Variants in CDH4 observed in about 807,000 individuals in gnomAD.
The protein encoded by CDH4 is cadherin-4.
Under a neutral mutation model 86.0 loss-of-function variants are expected in CDH4, and 33 were observed. The ratio of observed to expected loss-of-function variants is 0.38; its 90% CI spans 0.29 to 0.51. The LOEUF (loss-of-function observed/expected upper bound fraction) is 0.51. Ranked by LOEUF, CDH4 falls within the 20% of genes least tolerant of loss-of-function variation. The probability of loss-of-function intolerance (pLI) is 0.86; values close to 1 mark genes in which losing one functional copy is unlikely to be tolerated. For missense variants in CDH4, 1,114 were observed against 1,307.4 expected, an observed-to-expected ratio of 0.85 and a Z score of 2.28; for synonymous variants, 555 against 549.4, an observed-to-expected ratio of 1.01 and a Z score of -0.14.
rs73316166 is a variant in CDH4, at chr20:61,736,159, C to T, written c.170-7404C>T. Reference sequence around the variant, plus strand: ...GCAACATCTCCTGGGCCAGTCCCCACCCCGAAGGTGTAGGTTATCTCGCTG... The same window carrying T: ...GCAACATCTCCTGGGCCAGTCCCCATCCCGAAGGTGTAGGTTATCTCGCTG... On this transcript the variant is annotated intron_variant, in intron 2 of 15. Transcript: ENST00000614565. Among the ~76,000 whole-genome samples, 1,512 of 152,288 alleles carry T rather than the reference C, an allele frequency of 9.9e-3. 27 individuals carry two copies. Among genetic ancestry groups the T allele is most frequent in the African/African-American group, 0.034 (1,430 of 41,554 alleles).
intron 2 of CDH4, among the ~76,000 whole-genome samples, chr20:61,656,133 C>T (rs952141186): frequency 2.6e-5 from 4 of 152,170 alleles, no homozygotes; most frequent in Non-Finnish European, 4.4e-5. Flanking sequence ...AACCACCCAC[C>T]GTGCTCTCTG....
At position 61,673,397 on chromosome 20, in the gene CDH4, C is replaced by T. The variant is rs558136172; in HGVS notation, c.170-70166C>T. Among the ~76,000 whole-genome samples the T allele has an allele frequency of 5.3e-5, 8 of 152,332 alleles. No individual in the cohort carries two copies. The East Asian group carries it at 7.7e-4, about 15-fold the overall frequency. ...TTTTGTGCCTCCTTTTAAAGGCCCA[C>T]GTGAAGGGCATGGTGCTTATCACCG... On this transcript the variant is annotated intron_variant, in intron 2 of 15. Coordinates refer to ENST00000614565, the MANE Select transcript of CDH4 (RefSeq NM_001794.5).
chr20:61,383,219 ATATAT>A (rs2084916863), intron 2 of CDH4, among the ~76,000 whole-genome samples: 1 of 113,120 alleles, frequency 8.8e-6, no homozygotes, highest in Non-Finnish European at 1.8e-5. Context: ...ATATATATGA[ATATAT>A]TATATATATG....
At chr20:61,610,921 C>G (rs1437574751) in intron 2 of CDH4, among the ~76,000 whole-genome samples, 3 of 151,094 alleles carry the variant, frequency 2.0e-5, no homozygotes, top group African/African-American at 7.4e-5. Flanking sequence ...AGTAAGGGTG[C>G]TGGAGCTGTG....
intron 2 of CDH4, among the ~76,000 whole-genome samples, chr20:61,419,192 T>G (rs2085163610): frequency 6.6e-6 from 1 of 152,138 alleles, no homozygotes; most frequent in African/African-American, 2.4e-5. Flanking sequence ...AGACGTGTCC[T>G]GAGCCCGAGA....
intron 2 of CDH4, among the ~76,000 whole-genome samples, chr20:61,644,446 C>T (rs1292866803): frequency 6.6e-6 from 1 of 152,314 alleles, no homozygotes; most frequent in African/African-American, 2.4e-5. Flanking sequence ...TACCATCCTG[C>T]CTTGGCCTCC....
intron 2 of CDH4, among the ~76,000 whole-genome samples, chr20:61,591,617 G>A (rs1192276323): frequency 1.3e-5 from 2 of 152,192 alleles, no homozygotes; most frequent in Non-Finnish European, 2.9e-5. Context: ...TCAACAAGAG[G>A]CAGTTTCCTG....
intron 2 of CDH4, among the ~76,000 whole-genome samples, chr20:61,576,107 A>T (rs796528228): frequency 6.6e-6 from 1 of 152,222 alleles, no homozygotes; most frequent in African/African-American, 2.4e-5. Context: ...GGAGGCACGC[A>T]GTGTGGGCTC....
intron 2 of CDH4, among the ~76,000 whole-genome samples, chr20:61,408,685 G>A (rs183882758): frequency 1.7e-4 from 26 of 151,972 alleles, no homozygotes; most frequent in African/African-American, 6.0e-4. Flanking sequence ...GCCACCACCT[G>A]TGTTTTAGAG....
chr20:61,734,381 A>C (rs1389342311), intron 2 of CDH4, among the ~76,000 whole-genome samples: 1 of 152,104 alleles, frequency 6.6e-6, no homozygotes, highest in Non-Finnish European at 1.5e-5. Context: ...CGGAACGGGG[A>C]GTTGTTGTAT....
intron 8 of CDH4, among the ~76,000 whole-genome samples, chr20:61,896,279 G>A (rs1418936301): frequency 1.3e-5 from 2 of 152,170 alleles, no homozygotes; most frequent in Non-Finnish European, 2.9e-5. Context: ...GGAAGGGATG[G>A]GGTCAGGAGG....
At chr20:61,897,079 C>G (rs527582977) in intron 8 of CDH4, among the ~76,000 whole-genome samples, 322 of 152,338 alleles carry the variant, frequency 2.1e-3, no homozygotes, top group African/African-American at 7.4e-3. Context: ...GAGCCCCCCA[C>G]AGAATTCTGC....
intron 2 of CDH4, among the ~76,000 whole-genome samples, chr20:61,361,791 C>T (rs748201956): frequency 2.0e-5 from 3 of 152,170 alleles, no homozygotes; most frequent in East Asian, 3.9e-4. Context: ...GGAGGAGGTG[C>T]CGTGGTGCGG....
intron 2 of CDH4, among the ~76,000 whole-genome samples, chr20:61,658,942 C>T (rs1037642909): frequency 2.6e-5 from 4 of 152,172 alleles, no homozygotes; most frequent in Admixed American, 6.5e-5. Flanking sequence ...GATCTCCCTA[C>T]ATCTGTGGCC....
At chr20:61,617,376 C>T (rs1262698390) in intron 2 of CDH4, among the ~76,000 whole-genome samples, 2 of 152,214 alleles carry the variant, frequency 1.3e-5, no homozygotes, top group Non-Finnish European at 2.9e-5. Flanking sequence ...CTCCCGAGGT[C>T]CCTGCGTTTG....
chr20:61,337,535 G>T (rs74177959), intron 2 of CDH4, among the ~76,000 whole-genome samples: 152,081 of 152,084 alleles, frequency 1, 76,039 homozygotes, highest in Middle Eastern at 1. Flanking sequence ...ATGAGGGAAA[G>T]CATGGTCGTG....
chr20:61,691,998 C>G (rs775541871), intron 2 of CDH4, among the ~76,000 whole-genome samples: 2 of 152,154 alleles, frequency 1.3e-5, no homozygotes, highest in African/African-American at 4.8e-5. Flanking sequence ...CTGTTTTTGC[C>G]AAGGACGTAA....
intron 2 of CDH4, among the ~76,000 whole-genome samples, chr20:61,605,741 G>A (rs947246311): frequency 6.6e-6 from 1 of 152,104 alleles, no homozygotes; most frequent in South Asian, 2.1e-4. Context: ...CCATGAAACA[G>A]TAAGCAGATT....
chr20:61,906,516 C>T (rs930694792), intron 8 of CDH4, among the ~76,000 whole-genome samples: 4 of 152,228 alleles, frequency 2.6e-5, no homozygotes, highest in East Asian at 1.9e-4. Flanking sequence ...AAGTGGCTCC[C>T]GGGGGAGGCC....
Sources: gnomAD v4.1 joint callset for allele counts (sites outside exome capture counted in the v4.1 genomes callset) on GRCh38, gnomAD v4.1.1 for gene constraint, MANE v1.5 for transcripts, NCBI Gene and HGNC (gene_info 2026-07-23, HGNC 2026-07-21) for gene names.